Variants in ADD2 observed in about 807,000 individuals in gnomAD.
ADD2 encodes the protein adducin 2.
ADD2 carries 23 observed loss-of-function variants against 83.0 expected under a neutral mutation model. The observed-to-expected ratio is 0.28, with a 90% CI of 0.20 to 0.39. The LOEUF (loss-of-function observed/expected upper bound fraction) is 0.39, where lower values mean the gene tolerates loss of function less well. Ranked by LOEUF, ADD2 falls within the 10% of genes least tolerant of loss-of-function variation. ADD2 has a pLI of 1.00. For synonymous variants in ADD2, 375 were observed against 375.4 expected (o/e 1.00, Z 0.01); for missense variants, 758 against 944.9 (o/e 0.80, Z 2.59).
intron 7 of ADD2, among the ~76,000 whole-genome samples, chr2:70,691,136 A>G (rs918452350): frequency 1.3e-5 from 2 of 152,138 alleles, no homozygotes; most frequent in African/African-American, 4.8e-5. Context: ...GTGTCTTTCC[A>G]TCACTGTTTT....
At chr2:70,682,885 A>C (rs1303124017) in intron 10 of ADD2, among the ~76,000 whole-genome samples, 1 of 152,220 alleles carries the variant, frequency 6.6e-6, no homozygotes, top group Non-Finnish European at 1.5e-5. Context: ...CCTAGGATTA[A>C]GGAAATTAGT....
chr2:70,715,262 G>A (rs3755371), intron 1 of ADD2, among the ~76,000 whole-genome samples: 97,323 of 151,438 alleles, frequency 0.64, 33,411 homozygotes, highest in African/African-American at 0.88. Flanking sequence ...CCTAGAGCAG[G>A]GCTGCCATCC....
At chr2:70,762,426 A>G (rs1675165357) in intron 1 of ADD2, among the ~76,000 whole-genome samples, 1 of 151,860 alleles carries the variant, frequency 6.6e-6, no homozygotes, top group South Asian at 2.1e-4. Context: ...TTTGTGTCAC[A>G]GAGGATAACC....
At chr2:70,671,761 A>G (rs1216287546) in intron 15 of ADD2, among the ~76,000 whole-genome samples, 2 of 152,172 alleles carry the variant, frequency 1.3e-5, no homozygotes, top group African/African-American at 4.8e-5. Context: ...CCTGCACAGG[A>G]GGCAATAGTT....
At chr2:70,673,401 A>G in intron 14 of ADD2, 1 of 1,238,022 alleles carries the variant, frequency 8.1e-7, no homozygotes, top group Non-Finnish European at 1.2e-6. Flanking sequence ...ACCCACAACC[A>G]CCAACTCCCC....
intron 4 of ADD2, among the ~76,000 whole-genome samples, chr2:70,703,297 A>G (rs901786734): frequency 2.6e-5 from 4 of 152,132 alleles, no homozygotes; most frequent in Non-Finnish European, 5.9e-5. Context: ...AATATATCCA[A>G]CCTCATCAGT....
At chr2:70,767,106 C>G (rs1313438546) in intron 1 of ADD2, among the ~76,000 whole-genome samples, 1 of 152,162 alleles carries the variant, frequency 6.6e-6, no homozygotes, top group African/African-American at 2.4e-5. Flanking sequence ...TCCCTTCCCC[C>G]CAACACCAGG....
chr2:70,738,267 A>C (rs919522669), intron 1 of ADD2, among the ~76,000 whole-genome samples: 1 of 152,190 alleles, frequency 6.6e-6, no homozygotes, highest in African/African-American at 2.4e-5. Context: ...CTTTTCACTA[A>C]AAACCAACGT....
chr2:70,738,848 A>C (rs1673722210), intron 1 of ADD2, among the ~76,000 whole-genome samples: 1 of 151,908 alleles, frequency 6.6e-6, no homozygotes, highest in African/African-American at 2.4e-5. Flanking sequence ...CAGAAGATTG[A>C]AACTGGACCC....
chr2:70,709,866 A>G (rs187390984), intron 2 of ADD2, among the ~76,000 whole-genome samples: 1 of 152,304 alleles, frequency 6.6e-6, no homozygotes, highest in East Asian at 1.9e-4. Context: ...CACCTCTATC[A>G]TGCTCACACC....
chr2:70,761,786 C>T (rs1401040813), intron 1 of ADD2, among the ~76,000 whole-genome samples: 1 of 150,620 alleles, frequency 6.6e-6, no homozygotes, highest in Non-Finnish European at 1.5e-5. Context: ...ATTCTCCTGC[C>T]TCAGCCTCCC....
chr2:70,752,811 C>A lies in ADD2; in HGVS notation c.-154+15075G>T, dbSNP rs1244129436. Reference sequence around the variant, plus strand: ...TCAGCCTCACTACCCAAAGTAAGATCCGGAGACCAGCAACATCAGCATCGC... The same window carrying A: ...TCAGCCTCACTACCCAAAGTAAGATACGGAGACCAGCAACATCAGCATCGC... On this transcript the variant is annotated intron_variant, in intron 1 of 15. Transcript: ENST00000264436. 2.0e-5 allele frequency among the ~76,000 whole-genome samples: 3 copies of A among 152,152 alleles called. No individual in the cohort carries two copies. The South Asian group carries it at 6.2e-4, about 32-fold the overall frequency.
intron 1 of ADD2, among the ~76,000 whole-genome samples, chr2:70,737,710 A>G (rs1673653023): frequency 6.6e-6 from 1 of 152,164 alleles, no homozygotes; most frequent in Non-Finnish European, 1.5e-5. Context: ...TGTACCCTAG[A>G]ACTTAAAGTA....
At position 70,722,018 on chromosome 2, in the gene ADD2, C is replaced by T. The variant is rs530012515; in HGVS notation, c.-153-8834G>A. ...GAGGAAGGAGGGAATGAAAAATAAA[C>T]ATCATGATAACAATTTGATAACAGG... On this transcript the variant is annotated intron_variant, in intron 1 of 15. Transcript: ENST00000264436. Among the ~76,000 whole-genome samples, 3 of 152,302 alleles carry T rather than the reference C, an allele frequency of 2.0e-5. No individual in the cohort carries two copies. In the East Asian group the frequency reaches 5.8e-4, roughly 29 times the overall value.
At chr2:70,746,333 G>C (rs1256573955) in intron 1 of ADD2, among the ~76,000 whole-genome samples, 3 of 152,156 alleles carry the variant, frequency 2.0e-5, no homozygotes, top group Non-Finnish European at 2.9e-5. Context: ...ACAGTACCTA[G>C]CATACTACTC....
At chr2:70,753,702 G>C (rs1199593071) in intron 1 of ADD2, among the ~76,000 whole-genome samples, 1 of 152,128 alleles carries the variant, frequency 6.6e-6, no homozygotes, top group Non-Finnish European at 1.5e-5. Context: ...GAAATTTGGA[G>C]AAAAGAGGAG....
chr2:70,747,393 G>A (rs919952176), intron 1 of ADD2, among the ~76,000 whole-genome samples: 1 of 151,778 alleles, frequency 6.6e-6, no homozygotes, highest in Non-Finnish European at 1.5e-5. Context: ...CTCCCATCAT[G>A]CCACATGCTC....
chr2:70,752,211 C>A (rs1553383055), intron 1 of ADD2, among the ~76,000 whole-genome samples: 2 of 152,006 alleles, frequency 1.3e-5, no homozygotes, highest in Non-Finnish European at 2.9e-5. Context: ...ATATTCATAA[C>A]AAGGGAGAAA....
At chr2:70,738,418 A>T (rs966608677) in intron 1 of ADD2, among the ~76,000 whole-genome samples, 2 of 152,236 alleles carry the variant, frequency 1.3e-5, no homozygotes, top group Non-Finnish European at 2.9e-5. Flanking sequence ...AGAGGGATTC[A>T]TATAGGCACT....
Sources: allele counts gnomAD v4.1 joint callset (sites outside exome capture counted in the v4.1 genomes callset), GRCh38; gene constraint gnomAD v4.1.1; transcripts MANE v1.5; gene names NCBI Gene and HGNC (gene_info 2026-07-23, HGNC 2026-07-21).